Variants in SLC35A3 observed in about 807,000 individuals in gnomAD.
The protein encoded by SLC35A3 is UDP-N-acetylglucosamine transporter.
Under a neutral mutation model 39.0 loss-of-function variants are expected in SLC35A3, and 26 were observed. The ratio of observed to expected loss-of-function variants is 0.67; its 90% CI spans 0.49 to 0.92. The LOEUF (loss-of-function observed/expected upper bound fraction) is 0.92, where lower values mean the gene tolerates loss of function less well. Ranked by LOEUF, SLC35A3 falls within the 40% of genes least tolerant of loss-of-function variation. The pLI is 0.00. For missense variants in SLC35A3, 299 were observed against 371.6 expected, an observed-to-expected ratio of 0.80 and a Z score of 1.61; for synonymous variants, 135 against 133.1, an observed-to-expected ratio of 1.01 and a Z score of -0.10.
chr1:100,034,408 G>A lies in SLC35A3; in HGVS notation c.*11932G>A, dbSNP rs1394408415. ...TTGAGTTTAAAAATTTTTATTTGCT[G>A]TGTTCTTTTATATGTGCAATTAATG... On this transcript the variant is annotated 3_prime_UTR_variant, in exon 8 of 8. Coordinates refer to ENST00000533028, the MANE Select transcript of SLC35A3 (RefSeq NM_012243.3). 1 of 152,054 alleles carries A rather than the reference G, an allele frequency of 6.6e-6. No homozygotes were observed. Among genetic ancestry groups the A allele is most frequent in the Non-Finnish European group, 1.5e-5 (1 of 67,996 alleles). 9.4% of individuals were successfully genotyped at this position (152,054 alleles called of 1,614,324 possible).
At chr1:100,019,420 T>C (rs1660380436) in intron 7 of SLC35A3, among the ~76,000 whole-genome samples, 1 of 151,952 alleles carries the variant, frequency 6.6e-6, no homozygotes, top group African/African-American at 2.4e-5. Flanking sequence ...TGAATGAATA[T>C]TTTGAGAATA....
At chr1:99,976,170 G>GCCCT (rs1570561862) in intron 1 of SLC35A3, among the ~76,000 whole-genome samples, 1 of 152,274 alleles carries the variant, frequency 6.6e-6, no homozygotes, top group East Asian at 1.9e-4. Flanking sequence ...TCTGAAGCTT[G>GCCCT]CCCTCTTCAG....
At chr1:99,978,899 C>T (rs1319754941) in intron 1 of SLC35A3, 1 of 152,176 alleles carries the variant, frequency 6.6e-6, no homozygotes, top group East Asian at 1.9e-4. Context: ...CAGTCTTTCT[C>T]TGAAACATAT....
intron 4 of SLC35A3, chr1:100,009,421 G>T (rs1288381556): frequency 6.6e-6 from 1 of 152,194 alleles, no homozygotes; most frequent in Admixed American, 6.5e-5. Flanking sequence ...AATTGACAAA[G>T]ATATGGCGAG....
At position 100,010,444 on chromosome 1, in the gene SLC35A3, G is replaced by C. The variant is rs1352495585; in HGVS notation, c.466-921G>C. Among the ~76,000 whole-genome samples the C allele has an allele frequency of 2.0e-5, 3 of 152,280 alleles. No homozygotes were observed. The East Asian group carries it at 5.8e-4, about 29-fold the overall frequency. On this transcript the variant is annotated intron_variant, in intron 4 of 7. Coordinates refer to ENST00000533028, the MANE Select transcript of SLC35A3 (RefSeq NM_012243.3). ...ATGGTGGCTCACACCCACAGTCCTA[G>C]CACTTTGGGAGGCCAAGGCAGGCAA... is the stretch of plus-strand genomic sequence containing the variant.
In SLC35A3 at chr1:99,999,374, C is replaced by T. The variant is rs374410007; in HGVS notation, c.301C>T (p.Leu101=). 3.1e-6 allele frequency: 5 copies of T among 1,593,880 alleles called. No homozygotes were observed. In the African/African-American group the frequency reaches 5.4e-5, roughly 17 times the overall value. ...GATCTATACTCTTCAGAATAATTTA[C>T]TGTATGTGGCACTATCAAATCTAGA... ...SGIYTLQNNL[L]YVALSNLDAA... is the part of the protein sequence containing the mutation. Residue 101 remains leucine (L), a synonymous_variant, in exon 3 of 8, where the codon CTG becomes TTG. Transcript: ENST00000533028.
At chr1:99,977,552 G>A (rs1657187118) in intron 1 of SLC35A3, among the ~76,000 whole-genome samples, 1 of 138,470 alleles carries the variant, frequency 7.2e-6, no homozygotes, top group Non-Finnish European at 1.6e-5. Context: ...CAGAAGGAAG[G>A]AGGAAGGGAG....
At chr1:100,019,258 G>A (rs1660365254) in intron 7 of SLC35A3, among the ~76,000 whole-genome samples, 1 of 151,746 alleles carries the variant, frequency 6.6e-6, no homozygotes, top group African/African-American at 2.4e-5. Context: ...ACCATCAGAG[G>A]GACAAAAGAG....
chr1:99,994,887 T>C (rs1163460140), intron 2 of SLC35A3, among the ~76,000 whole-genome samples: 1 of 152,204 alleles, frequency 6.6e-6, no homozygotes, highest in Non-Finnish European at 1.5e-5. Context: ...TCAAACTGTT[T>C]TTCACAGCAA....
rs1660423905 is a variant in SLC35A3, at chr1:100,019,954, G to A, written c.887+2139G>A. Among the ~76,000 whole-genome samples the A allele has an allele frequency of 2.0e-5, 3 of 152,088 alleles. No individual in the cohort carries two copies. The South Asian group carries it at 6.2e-4, about 32-fold the overall frequency. Reference sequence around the variant, plus strand: ...AGGGTTGCTTATTCTTTTATCAAAAGTTTGTGTCTACTATGTGCCTGCTGG... The same window carrying A: ...AGGGTTGCTTATTCTTTTATCAAAAATTTGTGTCTACTATGTGCCTGCTGG... On this transcript the variant is annotated intron_variant, in intron 7 of 7. Coordinates refer to ENST00000533028, the MANE Select transcript of SLC35A3 (RefSeq NM_012243.3).
chr1:100,012,688 T>A lies in SLC35A3; in HGVS notation c.634+1155T>A, dbSNP rs544043334. Among the ~76,000 whole-genome samples, 7 of 152,296 alleles carry A rather than the reference T, an allele frequency of 4.6e-5. No homozygotes were observed. The South Asian group carries it at 8.3e-4, about 18-fold the overall frequency. Reference sequence around the variant, plus strand: ...ATGTTGGATTTCAATTTGGGAATATTTGCCAAAATTTTAAATATGTGTAGG... The same window carrying A: ...ATGTTGGATTTCAATTTGGGAATATATGCCAAAATTTTAAATATGTGTAGG... On this transcript the variant is annotated intron_variant, in intron 5 of 7. Coordinates refer to ENST00000533028, the MANE Select transcript of SLC35A3 (RefSeq NM_012243.3).
At position 100,026,651 on chromosome 1, in the gene SLC35A3, A is replaced by C. The variant is rs564071155; in HGVS notation, c.*4175A>C. 16 of 152,310 alleles carry C rather than the reference A, an allele frequency of 1.1e-4. No individual in the cohort carries two copies. The South Asian group carries it at 3.3e-3, about 32-fold the overall frequency. The allele number at this position is 152,310 out of a possible 1,614,324, so 9.4% of individuals were successfully genotyped here. ...TGTGATACTATTGCTCCATCATTGAACTTTTTGAAACTTTAACAATTGTAT... is the reference window on the plus strand; with the variant it reads ...TGTGATACTATTGCTCCATCATTGACCTTTTTGAAACTTTAACAATTGTAT... On this transcript the variant is annotated 3_prime_UTR_variant, in exon 8 of 8. Coordinates refer to ENST00000533028, the MANE Select transcript of SLC35A3 (RefSeq NM_012243.3).
intron 6 of SLC35A3, 187 bp downstream of exon 6, chr1:100,015,607 A>C: frequency 1.9e-6 from 1 of 540,200 alleles, no homozygotes; most frequent in Non-Finnish European, 2.8e-6. Flanking sequence ...TATTTTGTAC[A>C]GGGGTCTTTA....
At chr1:100,006,637 G>A (rs1271664414) in intron 3 of SLC35A3, among the ~76,000 whole-genome samples, 1 of 152,170 alleles carries the variant, frequency 6.6e-6, no homozygotes, top group African/African-American at 2.4e-5. Context: ...GCCTGTGCAA[G>A]GACAGGCTTG....
chr1:99,978,547 GAA>G (rs1274813899), intron 1 of SLC35A3, among the ~76,000 whole-genome samples: 1 of 151,992 alleles, frequency 6.6e-6, no homozygotes, highest in Non-Finnish European at 1.5e-5. Context: ...AATAAAATAA[GAA>G]AATAAGAAAT....
Position 99,991,871 on chromosome 1 carries a change from C to T in SLC35A3, c.-18-1666C>T, listed in dbSNP as rs911884529. Among the ~76,000 whole-genome samples the T allele has an allele frequency of 4.6e-5, 7 of 152,170 alleles. No individual in the cohort carries two copies. The South Asian group carries it at 6.2e-4, about 13-fold the overall frequency. On this transcript the variant is annotated intron_variant, in intron 1 of 7. Coordinates refer to ENST00000533028, the MANE Select transcript of SLC35A3 (RefSeq NM_012243.3). ...TCAAGCTATTCTCCTGCCTCAGCCT[C>T]ACGAGCAGATGGGACTACAGGTGCG...
rs1351920866 is a variant in SLC35A3, at chr1:100,032,918, C to T, written c.*10442C>T. 1 of 152,176 alleles carries T rather than the reference C, an allele frequency of 6.6e-6. No individual in the cohort carries two copies. The highest frequency in any genetic ancestry group is 1.5e-5 in the Non-Finnish European group (1 of 68,040). The allele number at this position is 152,176 out of a possible 1,614,324, so 9.4% of individuals were successfully genotyped here. ...TGCTTTAGGCACAAGAAATCTGAGG[C>T]TTACCTTATATTTGTCTTGTTCCAA... On this transcript the variant is annotated 3_prime_UTR_variant, in exon 8 of 8. Coordinates refer to ENST00000533028, the MANE Select transcript of SLC35A3 (RefSeq NM_012243.3).
chr1:100,016,355 C>T (rs1472544778), intron 6 of SLC35A3, among the ~76,000 whole-genome samples: 1 of 149,478 alleles, frequency 6.7e-6, no homozygotes, highest in African/African-American at 2.5e-5. Flanking sequence ...TGAGCCACCG[C>T]GCCCGGCCCG....
chr1:100,022,668 A>G lies in SLC35A3; in HGVS notation c.*192A>G, dbSNP rs933320695. The G allele has an allele frequency of 1.3e-5, 5 of 384,410 alleles. No individual in the cohort carries two copies. The Middle Eastern group carries it at 1.0e-3, about 78-fold the overall frequency. 23.8% of individuals were successfully genotyped at this position (384,410 alleles called of 1,614,324 possible). On this transcript the variant is annotated 3_prime_UTR_variant, in exon 8 of 8. Coordinates refer to ENST00000533028, the MANE Select transcript of SLC35A3 (RefSeq NM_012243.3). Reference sequence around the variant, plus strand: ...CATTGCATCTAGAAATCAAAACTTGAAAGTATTTCCAGGGATTAGGATTAG... The same window carrying G: ...CATTGCATCTAGAAATCAAAACTTGGAAGTATTTCCAGGGATTAGGATTAG...
Sources: gnomAD v4.1 joint callset for allele counts (sites outside exome capture counted in the v4.1 genomes callset) on GRCh38, gnomAD v4.1.1 for gene constraint, MANE v1.5 for transcripts, NCBI Gene and HGNC (gene_info 2026-07-23, HGNC 2026-07-21) for gene names.